The following GRID2 variants were observed in gnomAD, a reference collection of about 807,000 sequenced individuals.
GRID2 encodes the protein glutamate receptor ionotropic, delta-2.
Under a neutral mutation model 114.8 loss-of-function variants are expected in GRID2, and 33 were observed. That is an observed-to-expected ratio of 0.29 (90% CI 0.22 to 0.38). GRID2 has a LOEUF of 0.38. Ranked by LOEUF, GRID2 falls within the 10% of genes least tolerant of loss-of-function variation. The pLI, the probability that GRID2 is intolerant of heterozygous loss-of-function variation, is 1.00. For synonymous variants in GRID2, 505 were observed against 449.9 expected (o/e 1.12, Z -1.55); for missense variants, 1,184 against 1,257.7 (o/e 0.94, Z 0.89).
intron 12 of GRID2, among the ~76,000 whole-genome samples, chr4:93,501,259 C>T (rs1055619344): frequency 1.3e-5 from 2 of 152,004 alleles, no homozygotes; most frequent in African/African-American, 4.8e-5. Flanking sequence ...ATGGTATGCT[C>T]TCTAAGTATC....
intron 1 of GRID2, among the ~76,000 whole-genome samples, chr4:92,584,839 T>C (rs1350948063): frequency 3.3e-5 from 5 of 151,972 alleles, no homozygotes; most frequent in Non-Finnish European, 5.9e-5. Flanking sequence ...ACACCTAACC[T>C]CCTACTCTAC....
Position 93,354,605 on chromosome 4 carries a change from G to A in GRID2, c.1246-41002G>A, listed in dbSNP as rs113666888. 9.6e-3 allele frequency among the ~76,000 whole-genome samples: 1,449 copies of A among 150,714 alleles called. 26 individuals carry two copies. The highest frequency in any genetic ancestry group is 0.033 in the African/African-American group (1,333 of 41,004). On this transcript the variant is annotated intron_variant, in intron 8 of 15. Transcript: ENST00000282020. ...AAATTAGGACTTTTAAACACTTAAC[G>A]TGATTTTAAACTACGCTAAAGTAGG...
At chr4:92,377,248 C>G (rs1729398851) in intron 1 of GRID2, among the ~76,000 whole-genome samples, 1 of 152,128 alleles carries the variant, frequency 6.6e-6, no homozygotes, top group Non-Finnish European at 1.5e-5. Flanking sequence ...AATCATCTCT[C>G]TCAAGTTCAA....
intron 2 of GRID2, among the ~76,000 whole-genome samples, chr4:93,062,148 C>T (rs958949902): frequency 1.3e-5 from 2 of 152,110 alleles, no homozygotes; most frequent in African/African-American, 4.8e-5. Flanking sequence ...ACAAATATCA[C>T]TTTTAAAGGG....
intron 3 of GRID2, among the ~76,000 whole-genome samples, chr4:93,097,016 G>C (rs957592445): frequency 5.9e-5 from 9 of 151,950 alleles, no homozygotes; most frequent in Admixed American, 3.9e-4. Context: ...AGTTAAGTGA[G>C]AAAAGACTCA....
chr4:92,562,580 T>C, intron 1 of GRID2, among the ~76,000 whole-genome samples: 1 of 152,132 alleles, frequency 6.6e-6, no homozygotes, highest in East Asian at 1.9e-4. Flanking sequence ...CTGCTTTATG[T>C]AGAGCCCCCA....
rs148696240 is a variant in GRID2, at chr4:92,710,637, C to T, written c.244+120351C>T. Among the ~76,000 whole-genome samples the T allele has an allele frequency of 5.3e-3, 802 of 152,218 alleles. 5 individuals carry two copies. The highest frequency in any genetic ancestry group is 0.018 in the African/African-American group (758 of 41,540). Reference sequence around the variant, plus strand: ...GAGAATGGCTTTCGTATGTTTGAAGCCAATGTTTTATTACTCTTTATTTCC... The same window carrying T: ...GAGAATGGCTTTCGTATGTTTGAAGTCAATGTTTTATTACTCTTTATTTCC... On this transcript the variant is annotated intron_variant, in intron 2 of 15. Transcript: ENST00000282020.
intron 2 of GRID2, among the ~76,000 whole-genome samples, chr4:92,767,437 A>C (rs1738319454): frequency 6.6e-6 from 1 of 152,194 alleles, no homozygotes; most frequent in Non-Finnish European, 1.5e-5. Context: ...TTTTACTTTG[A>C]TAATCCATAA....
intron 2 of GRID2, among the ~76,000 whole-genome samples, chr4:92,641,862 T>C (rs1242732641): frequency 6.6e-6 from 1 of 150,456 alleles, no homozygotes; most frequent in Non-Finnish European, 1.5e-5. Context: ...TTCCTTCCAC[T>C]TATAAATGAG....
At chr4:93,729,062 A>T (rs1474487297) in intron 14 of GRID2, among the ~76,000 whole-genome samples, 2 of 152,106 alleles carry the variant, frequency 1.3e-5, no homozygotes, top group African/African-American at 4.8e-5. Context: ...TCGTTAGTTG[A>T]TGCAGTTTCT....
rs145571838 is a variant in GRID2, at chr4:93,219,273, A to G, written c.963+2362A>G. On this transcript the variant is annotated intron_variant, in intron 6 of 15. Coordinates refer to ENST00000282020, the MANE Select transcript of GRID2 (RefSeq NM_001510.4). ...ATTATTGACTGTGTCATTTAGGGAC[A>G]GCAGAAATTATTTTACAGCATATTT... Among the ~76,000 whole-genome samples the G allele has an allele frequency of 6.1e-4, 93 of 152,360 alleles. No homozygotes were observed. In the East Asian group the frequency reaches 0.016, roughly 26 times the overall value.
intron 14 of GRID2, among the ~76,000 whole-genome samples, chr4:93,646,443 A>C (rs2859979): frequency 0.28 from 42,842 of 151,860 alleles, 8,659 homozygotes; most frequent in African/African-American, 0.58. Context: ...GAGAGGGAAC[A>C]AACAAGGCAG....
chr4:93,481,573 A>T (rs1030504680), intron 11 of GRID2, among the ~76,000 whole-genome samples: 11 of 152,104 alleles, frequency 7.2e-5, no homozygotes, highest in Non-Finnish European at 1.6e-4. Context: ...CAGAGCAGTT[A>T]GCTGGAACCA....
chr4:92,801,808 A>C (rs1740185835), intron 2 of GRID2, among the ~76,000 whole-genome samples: 1 of 151,866 alleles, frequency 6.6e-6, no homozygotes, highest in African/African-American at 2.4e-5. Flanking sequence ...TACTCATAAC[A>C]AACCCAAAAG....
chr4:92,648,263 G>T lies in GRID2; in HGVS notation c.244+57977G>T, dbSNP rs543658094. Among the ~76,000 whole-genome samples the T allele has an allele frequency of 2.7e-5, 4 of 149,848 alleles. No individual in the cohort carries two copies. In the South Asian group the frequency reaches 8.4e-4, roughly 31 times the overall value. On this transcript the variant is annotated intron_variant, in intron 2 of 15. Transcript: ENST00000282020. ...TTATTTTGAATACATTTAAATAAAT[G>T]AGGTAGGTAATTATTAGTGTGCATA...
intron 4 of GRID2, among the ~76,000 whole-genome samples, chr4:93,196,743 A>G (rs892530317): frequency 2.6e-5 from 4 of 152,188 alleles, no homozygotes; most frequent in Admixed American, 6.5e-5. Context: ...TTGGCACAGT[A>G]TCTAAGAATC....
intron 2 of GRID2, among the ~76,000 whole-genome samples, chr4:92,988,006 CA>C (rs1754618238): frequency 1.3e-5 from 2 of 152,052 alleles, no homozygotes; most frequent in African/African-American, 2.4e-5. Flanking sequence ...ATTAATTGAT[CA>C]ATTCAATTAT....
intron 1 of GRID2, among the ~76,000 whole-genome samples, chr4:93,780,053 A>C (rs543010620): frequency 1.3e-5 from 2 of 152,230 alleles, no homozygotes; most frequent in African/African-American, 2.4e-5. Context: ...TTCACAGTTA[A>C]CTGAGGGAGA....
intron 14 of GRID2, among the ~76,000 whole-genome samples, chr4:93,752,944 T>G (rs528735256): frequency 2.0e-5 from 3 of 152,272 alleles, no homozygotes. Flanking sequence ...AACCGTTAGT[T>G]TTCTATATGG....
Sources: allele counts gnomAD v4.1 joint callset (sites outside exome capture counted in the v4.1 genomes callset), GRCh38; gene constraint gnomAD v4.1.1; transcripts MANE v1.5; gene names NCBI Gene and HGNC (gene_info 2026-07-23, HGNC 2026-07-21).